Variants in CDH12 observed in about 807,000 individuals in gnomAD.
CDH12 encodes the protein cadherin 12.
Under a neutral mutation model 74.1 loss-of-function variants are expected in CDH12, and 41 were observed. The observed-to-expected ratio is 0.55, with a 90% CI of 0.43 to 0.72. The LOEUF is 0.72. Ranked by LOEUF, CDH12 falls within the 30% of genes least tolerant of loss-of-function variation. The pLI, the probability that CDH12 is intolerant of heterozygous loss-of-function variation, is 0.00. For missense variants in CDH12, 945 were observed against 977.2 expected, an observed-to-expected ratio of 0.97 and a Z score of 0.44; for synonymous variants, 399 against 355.0, an observed-to-expected ratio of 1.12 and a Z score of -1.39.
At chr5:22,834,817 A>G (rs1260749902) in intron 1 of CDH12, among the ~76,000 whole-genome samples, 1 of 152,072 alleles carries the variant, frequency 6.6e-6, no homozygotes, top group East Asian at 1.9e-4. Context: ...ACACTTCTGA[A>G]AAAGGAAAGA....
At chr5:22,407,727 C>T (rs2126464320) in intron 2 of CDH12, among the ~76,000 whole-genome samples, 1 of 152,204 alleles carries the variant, frequency 6.6e-6, no homozygotes, top group African/African-American at 2.4e-5. Context: ...CACTAGTTTG[C>T]TCAAGGACTT....
chr5:21,917,130 G>C (rs1286919627), intron 6 of CDH12, among the ~76,000 whole-genome samples: 1 of 152,078 alleles, frequency 6.6e-6, no homozygotes, highest in Non-Finnish European at 1.5e-5. Context: ...TGAACTCTCT[G>C]AACTTCAAGC....
chr5:22,584,592 T>C (rs1263708147), intron 1 of CDH12, among the ~76,000 whole-genome samples: 3 of 152,236 alleles, frequency 2.0e-5, no homozygotes, highest in Non-Finnish European at 2.9e-5. Context: ...TTTCTGTGCA[T>C]ATGTGCATTG....
intron 3 of CDH12, among the ~76,000 whole-genome samples, chr5:22,324,422 T>C (rs1739004027): frequency 6.6e-6 from 1 of 152,078 alleles, no homozygotes. Context: ...ATTTAGGAGG[T>C]GACCGTGTTA....
intron 4 of CDH12, among the ~76,000 whole-genome samples, chr5:22,134,138 G>A (rs182061177): frequency 2.0e-5 from 3 of 152,188 alleles, no homozygotes; most frequent in Admixed American, 6.6e-5. Context: ...CCAAGCTAGC[G>A]TGACCATCAT....
At chr5:21,892,741 C>T (rs1439751305) in intron 6 of CDH12, among the ~76,000 whole-genome samples, 1 of 151,972 alleles carries the variant, frequency 6.6e-6, no homozygotes, top group African/African-American at 2.4e-5. Context: ...TGACCTATGG[C>T]CATTCTCCTC....
intron 2 of CDH12, among the ~76,000 whole-genome samples, chr5:22,488,736 T>C (rs935806164): frequency 1.3e-5 from 2 of 152,184 alleles, no homozygotes; most frequent in African/African-American, 4.8e-5. Flanking sequence ...AGCTAGCCCA[T>C]CCTAAACCTG....
intron 9 of CDH12, among the ~76,000 whole-genome samples, chr5:21,803,958 A>G (rs896636006): frequency 1.3e-5 from 2 of 152,196 alleles, no homozygotes; most frequent in African/African-American, 4.8e-5. Context: ...TTATTATAAC[A>G]AAACAGCAAT....
At chr5:22,571,202 C>T (rs1253660735) in intron 1 of CDH12, among the ~76,000 whole-genome samples, 2 of 152,186 alleles carry the variant, frequency 1.3e-5, no homozygotes, top group African/African-American at 4.8e-5. Context: ...TGCAGTAGTA[C>T]TTTTAATTTC....
chr5:22,014,496 T>C (rs2150155546), intron 5 of CDH12, among the ~76,000 whole-genome samples: 2 of 152,278 alleles, frequency 1.3e-5, no homozygotes, highest in East Asian at 3.9e-4. Flanking sequence ...ATATTGTGTG[T>C]ATTCTATATA....
At chr5:22,646,360 T>C in intron 1 of CDH12, among the ~76,000 whole-genome samples, 1 of 151,722 alleles carries the variant, frequency 6.6e-6, no homozygotes, top group Admixed American at 6.6e-5. Context: ...AAAAATTAAA[T>C]GGTGGATCAG....
At chr5:22,007,457 T>TG (rs535341874) in intron 5 of CDH12, among the ~76,000 whole-genome samples, 41,642 of 151,656 alleles carry the variant, frequency 0.27, 6,310 homozygotes, top group African/African-American at 0.4. Flanking sequence ...ACAACTTTTT[T>TG]TTAGTTAAAA....
chr5:22,713,641 AATAG>A (rs1378990054), intron 1 of CDH12, among the ~76,000 whole-genome samples: 1 of 152,106 alleles, frequency 6.6e-6, no homozygotes, highest in Admixed American at 6.6e-5. Context: ...ATTGTGGCAT[AATAG>A]ATATGTAACA....
At chr5:22,089,733 A>G (rs1743301293) in intron 4 of CDH12, among the ~76,000 whole-genome samples, 1 of 152,146 alleles carries the variant, frequency 6.6e-6, no homozygotes, top group Non-Finnish European at 1.5e-5. Flanking sequence ...ATTTCGGTAC[A>G]TTTTAGAACT....
chr5:22,699,468 G>A (rs1315635593), intron 1 of CDH12, among the ~76,000 whole-genome samples: 2 of 152,000 alleles, frequency 1.3e-5, no homozygotes, highest in Admixed American at 6.6e-5. Context: ...TAAATTATAC[G>A]TGAACATTAG....
chr5:22,847,196 T>C (rs1024826685), intron 1 of CDH12, among the ~76,000 whole-genome samples: 2 of 152,182 alleles, frequency 1.3e-5, no homozygotes, highest in Non-Finnish European at 2.9e-5. Context: ...AGAAATTTAT[T>C]TGAGGTTTTC....
At chr5:21,948,337 C>T (rs1345679369) in intron 6 of CDH12, among the ~76,000 whole-genome samples, 1 of 152,174 alleles carries the variant, frequency 6.6e-6, no homozygotes, top group Non-Finnish European at 1.5e-5. Context: ...TGGGAGCCCA[C>T]CCCTTGCATT....
intron 5 of CDH12, among the ~76,000 whole-genome samples, chr5:22,015,791 T>C (rs1186295973): frequency 3.9e-5 from 6 of 152,224 alleles, no homozygotes; most frequent in Non-Finnish European, 8.8e-5. Context: ...ATAATCAGTA[T>C]ACATTCATCT....
At chr5:22,017,462 T>G (rs981112812) in intron 5 of CDH12, among the ~76,000 whole-genome samples, 5 of 152,272 alleles carry the variant, frequency 3.3e-5, no homozygotes, top group African/African-American at 1.2e-4. Flanking sequence ...AATTAACTGT[T>G]TTTCAGATGC....
Sources: gnomAD v4.1 joint callset for allele counts (sites outside exome capture counted in the v4.1 genomes callset) on GRCh38, gnomAD v4.1.1 for gene constraint, MANE v1.5 for transcripts, NCBI Gene and HGNC (gene_info 2026-07-23, HGNC 2026-07-21) for gene names.